TRPS1: variants seen among roughly 807,000 people sequenced by gnomAD.
TRPS1 encodes zinc finger transcription factor Trps1.
TRPS1 carries 6 observed loss-of-function variants against 101.2 expected under a neutral mutation model. The observed-to-expected ratio is 0.06, with a 90% confidence interval of 0.03 to 0.12. The LOEUF (loss-of-function observed/expected upper bound fraction) is 0.12, where lower values mean the gene tolerates loss of function less well. Ranked by LOEUF, TRPS1 falls within the 10% of genes least tolerant of loss-of-function variation. The pLI is 1.00. For missense variants in TRPS1, 1,363 were observed against 1,567.0 expected (o/e 0.87, Z 2.20); for synonymous variants, 578 against 589.8 (o/e 0.98, Z 0.29).
At chr8:115,455,228 C>T (rs1399060088) in intron 5 of TRPS1, among the ~76,000 whole-genome samples, 1 of 152,080 alleles carries the variant, frequency 6.6e-6, no homozygotes, top group African/African-American at 2.4e-5. Context: ...TGTAGCACTG[C>T]CTGCAACATG....
At chr8:115,591,385 A>G (rs1037913296) in intron 4 of TRPS1, among the ~76,000 whole-genome samples, 3 of 152,178 alleles carry the variant, frequency 2.0e-5, no homozygotes, top group Admixed American at 2.0e-4. Flanking sequence ...TTGCAGAATC[A>G]GTAGATATTG....
intron 5 of TRPS1, among the ~76,000 whole-genome samples, chr8:115,567,424 C>T (rs1489229897): frequency 6.6e-6 from 1 of 151,924 alleles, no homozygotes; most frequent in Non-Finnish European, 1.5e-5. Context: ...ATTACCTGTC[C>T]ACATTTTCAG....
intron 5 of TRPS1, among the ~76,000 whole-genome samples, chr8:115,480,092 G>T (rs73706606): frequency 0.1 from 15,440 of 152,094 alleles, 2,534 homozygotes; most frequent in African/African-American, 0.35. Flanking sequence ...TTTCAAAGGT[G>T]TTCAGGGATT....
At chr8:115,627,498 CAA>C (rs1378511913) in intron 1 of TRPS1, among the ~76,000 whole-genome samples, 3 of 151,704 alleles carry the variant, frequency 2.0e-5, no homozygotes, top group African/African-American at 7.2e-5. Flanking sequence ...CACTTAAATT[CAA>C]AAAGAGTAGC....
At chr8:115,668,189 G>C (rs1006168348) in intron 1 of TRPS1, 1 of 492,352 alleles carries the variant, frequency 2.0e-6, no homozygotes. Flanking sequence ...AAGCTCAGAT[G>C]CCTCAGACCC....
At chr8:115,644,512 C>T (rs930927677) in intron 1 of TRPS1, among the ~76,000 whole-genome samples, 37 of 152,196 alleles carry the variant, frequency 2.4e-4, no homozygotes, top group Non-Finnish European at 2.1e-4. Flanking sequence ...GAGGGAATGT[C>T]GTGGCTGGCT....
intron 5 of TRPS1, among the ~76,000 whole-genome samples, chr8:115,517,438 T>C (rs1815742592): frequency 6.6e-6 from 1 of 151,328 alleles, no homozygotes; most frequent in African/African-American, 2.4e-5. Flanking sequence ...ACAACAGTTA[T>C]TATTAAAATG....
At chr8:115,458,426 T>A (rs1443215698) in intron 5 of TRPS1, among the ~76,000 whole-genome samples, 1 of 152,144 alleles carries the variant, frequency 6.6e-6, no homozygotes, top group Non-Finnish European at 1.5e-5. Context: ...ACCAATTAAA[T>A]CAAATGGACA....
chr8:115,635,081 G>A (rs1818737646), intron 1 of TRPS1, among the ~76,000 whole-genome samples: 1 of 152,152 alleles, frequency 6.6e-6, no homozygotes, highest in Non-Finnish European at 1.5e-5. Flanking sequence ...ACTTTGGAGA[G>A]TGCTAACCAG....
At chr8:115,444,303 G>C (rs1046452112) in intron 5 of TRPS1, among the ~76,000 whole-genome samples, 1 of 151,810 alleles carries the variant, frequency 6.6e-6, no homozygotes, top group African/African-American at 2.4e-5. Flanking sequence ...CAATAGAACA[G>C]GTGCTCTGAT....
chr8:115,487,433 T>C (rs1362261791), intron 5 of TRPS1, among the ~76,000 whole-genome samples: 2 of 152,202 alleles, frequency 1.3e-5, no homozygotes, highest in Non-Finnish European at 2.9e-5. Context: ...AGTCTTATTA[T>C]TCAAGAAATA....
intron 5 of TRPS1, among the ~76,000 whole-genome samples, chr8:115,537,559 T>A (rs1816351783): frequency 6.6e-6 from 1 of 152,190 alleles, no homozygotes; most frequent in Admixed American, 6.5e-5. Context: ...ATACCATGTT[T>A]ACGTATTATA....
intron 5 of TRPS1, among the ~76,000 whole-genome samples, chr8:115,552,418 C>T (rs144588445): frequency 6.6e-6 from 1 of 152,208 alleles, no homozygotes; most frequent in East Asian, 1.9e-4. Context: ...TTGTTTACTC[C>T]TACCACTTTA....
chr8:115,563,277 C>A (rs1007113585), intron 5 of TRPS1, among the ~76,000 whole-genome samples: 2 of 151,862 alleles, frequency 1.3e-5, no homozygotes, highest in African/African-American at 4.8e-5. Flanking sequence ...CTGTTGTCTG[C>A]ATTTTCTTAT....
At chr8:115,476,706 G>A (rs961221132) in intron 5 of TRPS1, among the ~76,000 whole-genome samples, 2 of 152,104 alleles carry the variant, frequency 1.3e-5, no homozygotes, top group African/African-American at 4.8e-5. Flanking sequence ...TGCAATTTTA[G>A]GTCCTCAATA....
intron 5 of TRPS1, among the ~76,000 whole-genome samples, chr8:115,441,822 T>C (rs2129881796): frequency 6.6e-6 from 1 of 151,418 alleles, no homozygotes; most frequent in South Asian, 2.1e-4. Context: ...TCTTTTTTGG[T>C]GAACCAGACT....
At chr8:115,512,466 A>G (rs1172935975) in intron 5 of TRPS1, among the ~76,000 whole-genome samples, 1 of 151,756 alleles carries the variant, frequency 6.6e-6, no homozygotes, top group East Asian at 1.9e-4. Flanking sequence ...ATTTCTAGAA[A>G]TAACTGTATC....
intron 1 of TRPS1, among the ~76,000 whole-genome samples, chr8:115,666,893 T>TTACAAAAGTTCAATGAATC (rs370071141): frequency 9.9e-5 from 15 of 152,192 alleles, no homozygotes; most frequent in Admixed American, 8.5e-4. Flanking sequence ...CCTGGTGTGT[T>TTACAAAAGTTCAATGAATC]TACAAAAGTT....
intron 5 of TRPS1, among the ~76,000 whole-genome samples, chr8:115,483,347 C>T (rs1814801284): frequency 6.6e-6 from 1 of 151,782 alleles, no homozygotes; most frequent in Non-Finnish European, 1.5e-5. Flanking sequence ...GCCTGGGCAA[C>T]ATGGTGAGAC....
Sources: allele counts gnomAD v4.1 joint callset (sites outside exome capture counted in the v4.1 genomes callset), GRCh38; gene constraint gnomAD v4.1.1; transcripts MANE v1.5; gene names NCBI Gene and HGNC (gene_info 2026-07-23, HGNC 2026-07-21).